PCDHGA3: variants seen among roughly 807,000 people sequenced by gnomAD.
PCDHGA3 encodes the protein protocadherin gamma subfamily A, 3.
In PCDHGA3, 40 loss-of-function variants were observed where a neutral mutation model predicts 58.5. The ratio of observed to expected loss-of-function variants is 0.68; its 90% CI spans 0.53 to 0.89. The LOEUF is 0.89. Ranked by LOEUF, PCDHGA3 falls within the 40% of genes least tolerant of loss-of-function variation. PCDHGA3 has a pLI of 0.00. For synonymous variants in PCDHGA3, 530 were observed against 525.7 expected (o/e 1.01, Z -0.11); for missense variants, 1,223 against 1,195.9 (o/e 1.02, Z -0.33).
rs144789830 is a variant in PCDHGA3 at position 141,503,198 on chromosome 5, C to T, written c.2484-2195C>T. Among the ~76,000 whole-genome samples the T allele has an allele frequency of 3.7e-3, 561 of 152,172 alleles. 5 individuals carry two copies. Among genetic ancestry groups the T allele is most frequent in the Admixed American group, 0.011 (164 of 15,268 alleles). ...TATTGTGTAATTATTTAAAATCAGC[C>T]TCTCAGTGCCCACCATGAGCACCGT... On this transcript the variant is annotated intron_variant, in intron 2 of 3. Coordinates refer to ENST00000253812, the MANE Select transcript of PCDHGA3 (RefSeq NM_018916.4).
intron 1 of PCDHGA3, chr5:141,383,684 T>A: frequency 4.3e-6 from 7 of 1,614,014 alleles, no homozygotes; most frequent in Non-Finnish European, 5.9e-6. Context: ...ACAAGACTGC[T>A]CACGGTACAT....
chr5:141,385,108 A>C, intron 1 of PCDHGA3: 1 of 1,614,126 alleles, frequency 6.2e-7, no homozygotes, highest in Non-Finnish European at 8.5e-7. Flanking sequence ...GAACGTGCCC[A>C]CCTCGCACTT....
At chr5:141,418,563 C>T in intron 1 of PCDHGA3, 2 of 1,613,998 alleles carry the variant, frequency 1.2e-6, no homozygotes, top group Non-Finnish European at 1.7e-6. Context: ...GTAATAGATG[C>T]CAATGACAAC....
rs57419416 is a variant in PCDHGA3, at chr5:141,368,862, T to C, written c.2424+22405T>C. On this transcript the variant is annotated intron_variant, in intron 1 of 3. Transcript: ENST00000253812. ...TTGGAAGGCACTTGCTTTGGAATGT[T>C]TTGGAGCAAAGTCTTGAGTCAGTTA... Among the ~76,000 whole-genome samples, 1,508 of 152,302 alleles carry C rather than the reference T, an allele frequency of 9.9e-3. 27 individuals are homozygous for C. Among genetic ancestry groups the C allele is most frequent in the African/African-American group, 0.034 (1,407 of 41,562 alleles).
intron 1 of PCDHGA3, chr5:141,371,990 G>A (rs1768271150): frequency 6.2e-7 from 1 of 1,613,140 alleles, no homozygotes; most frequent in Admixed American, 1.7e-5. Flanking sequence ...AGCTCACTCT[G>A]CAGGCCCGCG....
At chr5:141,453,964 C>T (rs2098778500) in intron 1 of PCDHGA3, among the ~76,000 whole-genome samples, 1 of 152,296 alleles carries the variant, frequency 6.6e-6, no homozygotes, top group Non-Finnish European at 1.5e-5. Context: ...GACAGCAAAG[C>T]ATGTAGTTGT....
chr5:141,423,569 T>A, intron 1 of PCDHGA3: 2 of 1,613,480 alleles, frequency 1.2e-6, no homozygotes, highest in Non-Finnish European at 1.7e-6. Context: ...GACACGCTCA[T>A]CAGCCAGGAG....
At position 141,404,344 on chromosome 5, in the gene PCDHGA3, C is replaced by T. The variant is rs755599341; in HGVS notation, c.2424+57887C>T. 1.1e-5 allele frequency: 18 copies of T among 1,613,954 alleles called. No homozygotes were observed. In the East Asian group the frequency reaches 3.8e-4, roughly 34 times the overall value. ...CCTACTCAGTCTACCTCCCGGAAAA[C>T]AACGCCAGAGGTACTTCCATCTTCT... On this transcript the variant is annotated intron_variant, in intron 1 of 3. Coordinates refer to ENST00000253812, the MANE Select transcript of PCDHGA3 (RefSeq NM_018916.4).
At chr5:141,419,623 G>A in intron 1 of PCDHGA3, 1 of 1,612,328 alleles carries the variant, frequency 6.2e-7, no homozygotes, top group East Asian at 2.2e-5. Context: ...GCTACCTGGT[G>A]ACCAAGGTGG....
At chr5:141,508,324 G>A (rs1668975090) in intron 3 of PCDHGA3, 1 of 151,252 alleles carries the variant, frequency 6.6e-6, no homozygotes, top group African/African-American at 2.4e-5. Flanking sequence ...GAGGGGCACT[G>A]GAGAACTGAC....
intron 3 of PCDHGA3, among the ~76,000 whole-genome samples, chr5:141,510,266 C>T (rs1202092142): frequency 7.0e-6 from 1 of 143,198 alleles, no homozygotes; most frequent in Non-Finnish European, 1.5e-5. Flanking sequence ...GAGCAGGACT[C>T]CATCTTAAAA....
rs539348000 is a variant in PCDHGA3 at position 141,504,908 on chromosome 5, G to A, written c.2484-485G>A. 5.9e-5 allele frequency among the ~76,000 whole-genome samples: 9 copies of A among 152,208 alleles called. No homozygotes were observed. In the East Asian group the frequency reaches 1.7e-3, roughly 29 times the overall value. On this transcript the variant is annotated intron_variant, in intron 2 of 3. Coordinates refer to ENST00000253812, the MANE Select transcript of PCDHGA3 (RefSeq NM_018916.4). Reference sequence around the variant, plus strand: ...AGGTCTGATCTCCCTCACTATGACAGGAAGCCAGGCTCTCTCATGGTGGGT... The same window carrying A: ...AGGTCTGATCTCCCTCACTATGACAAGAAGCCAGGCTCTCTCATGGTGGGT...
chr5:141,407,390 G>T (rs2094924861), intron 1 of PCDHGA3, among the ~76,000 whole-genome samples: 1 of 152,164 alleles, frequency 6.6e-6, no homozygotes, highest in Non-Finnish European at 1.5e-5. Flanking sequence ...GTATGTCATG[G>T]TAGGTAGTTA....
chr5:141,444,594 T>C (rs2098442338), intron 1 of PCDHGA3, among the ~76,000 whole-genome samples: 1 of 152,244 alleles, frequency 6.6e-6, no homozygotes, highest in South Asian at 2.1e-4. Flanking sequence ...ACTTACCTTA[T>C]TTAAAATTGA....
chr5:141,366,652 C>G lies in PCDHGA3; in HGVS notation c.2424+20195C>G, dbSNP rs559344872. The G allele has an allele frequency of 1.9e-6, 3 of 1,614,282 alleles. No individual in the cohort carries two copies. In the African/African-American group the frequency reaches 4.0e-5, roughly 22 times the overall value. ...GTCACCTGATCTTTCCCCAGCCCAA[C>G]TACGCAGACACGCTCCTTAGTGAAG... On this transcript the variant is annotated intron_variant, in intron 1 of 3. Transcript: ENST00000253812.
intron 1 of PCDHGA3, among the ~76,000 whole-genome samples, chr5:141,483,522 C>G (rs557644901): frequency 9.3e-6 from 1 of 107,172 alleles, no homozygotes; most frequent in African/African-American, 3.9e-5. Flanking sequence ...TAGATCCTGA[C>G]TAAGGAAGCT....
chr5:141,476,770 C>T lies in PCDHGA3; in HGVS notation c.2425-18037C>T, dbSNP rs1452363016. 6.2e-7 allele frequency: 1 copy of T among 1,613,568 alleles called. No homozygotes were observed. The highest frequency in any genetic ancestry group is 8.5e-7 in the Non-Finnish European group (1 of 1,180,020). ...TCCAGTTAGTGCTGACGGCGTTGGA[C>T]GGAGGGACCCCAGCTCTCTCCGCCA... On this transcript the variant is annotated intron_variant, in intron 1 of 3. Coordinates refer to ENST00000253812, the MANE Select transcript of PCDHGA3 (RefSeq NM_018916.4). This position sits in a 1 kb window ranked among gnomAD's most constrained non-coding sequence, Gnocchi z 7.6.
chr5:141,477,845 GT>G lies in PCDHGA3; in HGVS notation c.2425-16961del, dbSNP rs1562065234. ...ATATCCTCGGCCAGGTGGGAGCTCG[GT>G]GGAGATGCTGCCTCGAGGTACCTCA... is the stretch of plus-strand genomic sequence containing the variant. On this transcript the variant is annotated intron_variant, in intron 1 of 3. Coordinates refer to ENST00000253812, the MANE Select transcript of PCDHGA3 (RefSeq NM_018916.4). This position sits in a 1 kb window ranked among gnomAD's most constrained non-coding sequence, Gnocchi z 4.9. 1 of 1,614,038 alleles carries G rather than the reference GT, an allele frequency of 6.2e-7. No homozygotes were observed. Among genetic ancestry groups the G allele is most frequent in the East Asian group, 2.2e-5 (1 of 44,896 alleles).
chr5:141,356,357 T>A, intron 1 of PCDHGA3: 2 of 1,557,122 alleles, frequency 1.3e-6, no homozygotes, highest in Non-Finnish European at 1.7e-6. Flanking sequence ...ACATGTTCTA[T>A]TCCAGATAAT....
Sources: allele counts gnomAD v4.1 joint callset (sites outside exome capture counted in the v4.1 genomes callset), GRCh38; gene constraint gnomAD v4.1.1; non-coding constraint Gnocchi (gnomAD v3.1); transcripts MANE v1.5; gene names NCBI Gene and HGNC (gene_info 2026-07-23, HGNC 2026-07-21).